MAGED1: variants seen among roughly 807,000 people sequenced by gnomAD.
MAGED1 encodes melanoma-associated antigen D1.
A neutral mutation model predicts 54.1 loss-of-function variants in MAGED1; 3 were observed. The ratio of observed to expected loss-of-function variants is 0.06; its 90% CI spans 0.03 to 0.14. The LOEUF (loss-of-function observed/expected upper bound fraction) is 0.14. Among genes scored for constraint, MAGED1 ranks in the 10% least tolerant of loss-of-function variants. The probability of loss-of-function intolerance (pLI) is 1.00; values close to 1 mark genes in which losing one functional copy is unlikely to be tolerated. For synonymous variants in MAGED1, 217 were observed against 227.3 expected, an observed-to-expected ratio of 0.95 and a Z score of 0.41; for missense variants, 485 against 623.4, an observed-to-expected ratio of 0.78 and a Z score of 2.36.
At chrX:51,850,853 TG>T (rs1432330165) in intron 1 of MAGED1, among the ~76,000 whole-genome samples, 1 of 111,020 alleles carries the variant, frequency 9.0e-6, no homozygotes, top group Non-Finnish European at 1.9e-5. Context: ...TGAGCTGAGA[TG>T]GTGCCATTGC....
chrX:51,889,456 C>T (rs1928356035), upstream of MAGED1, among the ~76,000 whole-genome samples: 4 of 107,410 alleles, frequency 3.7e-5, no homozygotes, highest in Non-Finnish European at 7.7e-5. Context: ...GGTGAAACCC[C>T]ATCTCTCCTG....
At chrX:51,809,615 AAGAC>A (rs1925150531) in intron 1 of MAGED1, among the ~76,000 whole-genome samples, 1 of 111,414 alleles carries the variant, frequency 9.0e-6, no homozygotes, top group Admixed American at 9.5e-5. Flanking sequence ...TTTTAAGAGA[AAGAC>A]TCATTTTAGG....
At chrX:51,894,106 G>C (rs782414103) in intron 1 of MAGED1, among the ~76,000 whole-genome samples, 163 bp from the exon 2 acceptor site, 1 of 110,292 alleles carries the variant, frequency 9.1e-6, no homozygotes, top group Admixed American at 9.6e-5. Context: ...GCTTCTCGGG[G>C]TTCAGAACCT....
Position 51,851,294 on chromosome X carries a change from A to T in MAGED1, c.-36-42975A>T, listed in dbSNP as rs146604351. On this transcript the variant is annotated intron_variant, in intron 1 of 12. Coordinates refer to the MAGED1 transcript ENST00000375772. ...CAGAATCACAGGCTTGCATTTGCTT[A>T]TCCAGGCCTGTGAGTAAAGAAGAAA... 4.6e-3 allele frequency among the ~76,000 whole-genome samples: 512 copies of T among 111,852 alleles called. 2 individuals are homozygous for T. Among genetic ancestry groups the T allele is most frequent in the African/African-American group, 0.016 (493 of 30,820 alleles).
chrX:51,887,961 A>G (rs1928299456), intron 1 of MAGED1, among the ~76,000 whole-genome samples: 1 of 111,623 alleles, frequency 9.0e-6, no homozygotes, highest in Middle Eastern at 4.6e-3. Context: ...TACATAAAAT[A>G]CATGAACTCT....
At chrX:51,885,968 T>C (rs1396396952) in intron 1 of MAGED1, among the ~76,000 whole-genome samples, 2 of 110,062 alleles carry the variant, frequency 1.8e-5, no homozygotes, top group Non-Finnish European at 3.8e-5. Flanking sequence ...AGCCTGTCAT[T>C]TGCAGCAACA....
chrX:51,854,744 T>A (rs1434597210), intron 1 of MAGED1, among the ~76,000 whole-genome samples: 1 of 111,532 alleles, frequency 9.0e-6, no homozygotes, highest in African/African-American at 3.3e-5. Flanking sequence ...GTAGTTATTA[T>A]TATTGTTGTC....
intron 1 of MAGED1, among the ~76,000 whole-genome samples, chrX:51,805,139 G>A (rs1409535806): frequency 8.9e-6 from 1 of 111,732 alleles, no homozygotes; most frequent in Non-Finnish European, 1.9e-5. Context: ...GTTGATTGCT[G>A]GTGCATTGTG....
intron 1 of MAGED1, among the ~76,000 whole-genome samples, chrX:51,818,733 A>G (rs1458239569): frequency 8.9e-6 from 1 of 112,159 alleles, no homozygotes; most frequent in Non-Finnish European, 1.9e-5. Flanking sequence ...CCATCTGCAC[A>G]TTTTTACAGG....
chrX:51,829,139 G>T (rs1279781390), intron 1 of MAGED1, among the ~76,000 whole-genome samples: 1 of 111,473 alleles, frequency 9.0e-6, no homozygotes, highest in Non-Finnish European at 1.9e-5. Flanking sequence ...AAAAGTCAGA[G>T]AAAAATTGAA....
intron 1 of MAGED1, among the ~76,000 whole-genome samples, chrX:51,872,937 A>G (rs1927733678): frequency 9.0e-6 from 1 of 111,582 alleles, no homozygotes; most frequent in African/African-American, 3.3e-5. Context: ...CCAGCAATCC[A>G]CAAGTGCTAC....
chrX:51,813,080 A>G (rs1289676037), intron 1 of MAGED1, among the ~76,000 whole-genome samples: 3 of 101,892 alleles, frequency 2.9e-5, no homozygotes, highest in Non-Finnish European at 4.0e-5. Flanking sequence ...CTGGAGTGCA[A>G]TGGTGCCATC....
chrX:51,879,567 T>C (rs1434450652), intron 1 of MAGED1, among the ~76,000 whole-genome samples: 1 of 111,538 alleles, frequency 9.0e-6, no homozygotes, highest in Non-Finnish European at 1.9e-5. Flanking sequence ...AAGTAAGATA[T>C]TTGGTGTTCT....
At chrX:51,854,000 A>C (rs1557359986) in intron 1 of MAGED1, among the ~76,000 whole-genome samples, 2 of 111,945 alleles carry the variant, frequency 1.8e-5, no homozygotes, top group Admixed American at 9.5e-5. Flanking sequence ...TCCAACCCTG[A>C]AACCTACACT....
chrX:51,852,707 A>G (rs1172286401), intron 1 of MAGED1, among the ~76,000 whole-genome samples: 1 of 111,924 alleles, frequency 8.9e-6, no homozygotes, highest in Non-Finnish European at 1.9e-5. Flanking sequence ...ATTATTGTGC[A>G]GCAAAATGGT....
chrX:51,887,118 G>C (rs1928269099), intron 1 of MAGED1, among the ~76,000 whole-genome samples: 1 of 105,910 alleles, frequency 9.4e-6, no homozygotes, highest in South Asian at 4.0e-4. Context: ...GGTGAAATAC[G>C]TGTAAATTGA....
intron 1 of MAGED1, among the ~76,000 whole-genome samples, chrX:51,829,787 AAAATT>A (rs1557357249): frequency 8.9e-6 from 1 of 112,012 alleles, no homozygotes; most frequent in African/African-American, 3.2e-5. Flanking sequence ...ATATCAGGTA[AAAATT>A]TTATTGTTTG....
chrX:51,834,476 A>G (rs1557357749), intron 1 of MAGED1, among the ~76,000 whole-genome samples: 1 of 112,228 alleles, frequency 8.9e-6, no homozygotes, highest in Non-Finnish European at 1.9e-5. Context: ...GTTTGGTATC[A>G]TTGGTGTTGA....
At chrX:51,844,313 A>C (rs1226302679) in intron 1 of MAGED1, among the ~76,000 whole-genome samples, 1 of 112,425 alleles carries the variant, frequency 8.9e-6, no homozygotes, top group African/African-American at 3.2e-5. Flanking sequence ...TGTAGTAAGC[A>C]GACATTGTAA....
Sources: gnomAD v4.1 joint callset for allele counts (sites outside exome capture counted in the v4.1 genomes callset) on GRCh38, gnomAD v4.1.1 for gene constraint, MANE v1.5 for transcripts, NCBI Gene and HGNC (gene_info 2026-07-23, HGNC 2026-07-21) for gene names.